MYO10: variants seen among roughly 807,000 people sequenced by gnomAD.
MYO10 encodes the protein unconventional myosin-X.
Under a neutral mutation model 257.3 loss-of-function variants are expected in MYO10, and 133 were observed. That is an observed-to-expected ratio of 0.52 (90% confidence interval 0.45 to 0.60). The LOEUF (loss-of-function observed/expected upper bound fraction) is 0.60. MYO10 is among the 20% of genes least tolerant of loss of function. The pLI is 0.00. For missense variants in MYO10, 2,399 were observed against 2,635.7 expected, an observed-to-expected ratio of 0.91 and a Z score of 1.97; for synonymous variants, 1,104 against 1,028.6, an observed-to-expected ratio of 1.07 and a Z score of -1.40.
intron 1 of MYO10, among the ~76,000 whole-genome samples, chr5:16,915,638 G>C (rs1745793148): frequency 6.6e-6 from 1 of 152,218 alleles, no homozygotes; most frequent in Non-Finnish European, 1.5e-5. Flanking sequence ...TCTTCAACAA[G>C]CAGTCATCTC....
intron 1 of MYO10, among the ~76,000 whole-genome samples, chr5:16,909,649 C>CA (rs1243667253): frequency 6.6e-6 from 1 of 152,080 alleles, no homozygotes. Context: ...ATGGGAGCTA[C>CA]AATTCAAGAT....
intron 3 of MYO10, among the ~76,000 whole-genome samples, chr5:16,807,906 G>A (rs897810762): frequency 6.6e-6 from 1 of 152,048 alleles, no homozygotes; most frequent in Non-Finnish European, 1.5e-5. Context: ...GTTTGCCTGT[G>A]TCTGTCTTCA....
intron 9 of MYO10, among the ~76,000 whole-genome samples, chr5:16,770,406 A>C (rs1286817568): frequency 1.3e-5 from 2 of 152,158 alleles, no homozygotes; most frequent in East Asian, 3.8e-4. Context: ...ATGCTGTTTG[A>C]GGAAAAATAA....
chr5:16,916,267 C>A, intron 1 of MYO10: 1 of 388,296 alleles, frequency 2.6e-6, no homozygotes, highest in Non-Finnish European at 5.2e-6. Flanking sequence ...GACTCGTGTT[C>A]TAACAAATTA....
rs564359695 is a variant in MYO10, at chr5:16,701,470, T to C, written c.2925A>G (p.Ala975=). 514 of 1,613,992 alleles carry C rather than the reference T, an allele frequency of 3.2e-4. 2 individuals are homozygous for C. In the East Asian group the frequency reaches 0.011, roughly 36 times the overall value. Residue 975 remains alanine, a synonymous_variant, in exon 25 of 41, where the codon GCA becomes GCG. Transcript: ENST00000513610. This position sits in a 1 kb window ranked among gnomAD's most constrained non-coding sequence, Gnocchi z 8.1. ...SEFSSELAES[A]CEEKPNFNFS... ...AGTTGAAGTTGGGCTTCTCCTCGCA[T>C]GCGCTCTCAGCCAGCTCGCTGGAAA...
chr5:16,887,526 C>T (rs1337966168), intron 1 of MYO10, among the ~76,000 whole-genome samples: 2 of 152,206 alleles, frequency 1.3e-5, no homozygotes, highest in Non-Finnish European at 1.5e-5. Context: ...AGTCTAGCTC[C>T]GCCGCCCAGG....
At chr5:16,682,895 TG>T (rs1399612268) in intron 30 of MYO10, among the ~76,000 whole-genome samples, 24 of 152,022 alleles carry the variant, frequency 1.6e-4, no homozygotes, top group Non-Finnish European at 1.8e-4. Flanking sequence ...ATTCTAAGGA[TG>T]GATCATCACA....
intron 4 of MYO10, among the ~76,000 whole-genome samples, chr5:16,788,036 T>C (rs533721158): frequency 2.8e-4 from 43 of 152,228 alleles, no homozygotes; most frequent in Admixed American, 4.6e-4. Flanking sequence ...TCAGGTGATC[T>C]ACCCGCCTCG....
rs193052288 is a variant in MYO10 at position 16,691,234 on chromosome 5, C to A, written c.3801-1315G>T. Among the ~76,000 whole-genome samples, 558 of 148,002 alleles carry A rather than the reference C, an allele frequency of 3.8e-3. 4 individuals are homozygous for A. Among genetic ancestry groups the A allele is most frequent in the African/African-American group, 0.013 (524 of 39,708 alleles). On this transcript the variant is annotated intron_variant, in intron 27 of 40. Coordinates refer to ENST00000513610, the MANE Select transcript of MYO10 (RefSeq NM_012334.3). ...GCAGTGAGCTGAGATCGCGCCACTG[C>A]ACTCCAACCTGGGCGAAAGAGTGAG...
rs770954170 is a variant in MYO10, at chr5:16,701,085, C to T, written c.3310G>A (p.Gly1104Ser). The T allele has an allele frequency of 1.4e-5, 22 of 1,581,494 alleles. No homozygotes were observed. The highest frequency in any genetic ancestry group is 1.7e-4 in the Middle Eastern group (1 of 6,026). The change falls in exon 25 of 41, where the codon GGC becomes AGC. Residue 1104 changes from glycine to serine, a missense_variant. Physicochemically the swap from Gly to Ser is moderately conservative, Grantham distance 56. Transcript: ENST00000513610. The surrounding 1 kb of genome is among the most constrained non-coding windows in gnomAD (Gnocchi z 8.1). ...GAGTTGGAGAAGGTCACGCTGCTGC[C>T]GGAAGTGATGGCACCGTCCTCATAG... Reference protein sequence around the residue: ...DDYEDGAITSGSSVTFSNSYG... With the variant: ...DDYEDGAITSSSSVTFSNSYG...
intron 1 of MYO10, among the ~76,000 whole-genome samples, chr5:16,892,967 G>A (rs1317280821): frequency 1.3e-5 from 2 of 152,000 alleles, no homozygotes; most frequent in Admixed American, 6.6e-5. Flanking sequence ...AGGCCGAGGC[G>A]GGCAGATCAC....
intron 28 of MYO10, among the ~76,000 whole-genome samples, chr5:16,688,066 G>A (rs527523265): frequency 2.6e-5 from 4 of 152,270 alleles, no homozygotes; most frequent in South Asian, 4.1e-4. Context: ...CAGGTTCATC[G>A]TGGCATAAAA....
intron 12 of MYO10, among the ~76,000 whole-genome samples, 179 bp from the exon 13 acceptor site, chr5:16,763,934 C>T (rs1045389064): frequency 4.6e-5 from 7 of 152,180 alleles, no homozygotes; most frequent in Non-Finnish European, 7.4e-5. Context: ...CACCTGAGGT[C>T]GGGAGTCCAA....
In MYO10 at chr5:16,673,695, G is replaced by A; in HGVS notation, c.5159C>T (p.Thr1720Ile). 2 of 1,613,720 alleles carry A rather than the reference G, an allele frequency of 1.2e-6. No homozygotes were observed. The highest frequency in any genetic ancestry group is 1.7e-6 in the Non-Finnish European group (2 of 1,179,764). Reference protein sequence around the residue: ...GSCKITINSHTTAGEVVEKLI... With the variant: ...GSCKITINSHITAGEVVEKLI... ...GCCTCTCCTCACCTCCCCAGCGGTGGTGTGGGAGTTGATGGTGATCTTGCA... is the reference window on the plus strand; with the variant it reads ...GCCTCTCCTCACCTCCCCAGCGGTGATGTGGGAGTTGATGGTGATCTTGCA... The change falls in exon 36 of 41, where the codon ACC becomes ATC. Residue 1720 changes from threonine (T) to isoleucine (I), a missense_variant. Coordinates refer to ENST00000513610, the MANE Select transcript of MYO10 (RefSeq NM_012334.3).
chr5:16,877,846 CA>C, intron 1 of MYO10, 139 bp from the exon 2 acceptor site: 1 of 673,686 alleles, frequency 1.5e-6, no homozygotes. Flanking sequence ...AAGCAAAGAA[CA>C]AATCTTCGCA....
At chr5:16,691,783 T>A (rs1737522144) in intron 27 of MYO10, among the ~76,000 whole-genome samples, 1 of 150,886 alleles carries the variant, frequency 6.6e-6, no homozygotes, top group South Asian at 2.1e-4. Flanking sequence ...TTAACAGAAA[T>A]CAATACCAAC....
chr5:16,806,288 C>T (rs1206875606), intron 3 of MYO10, among the ~76,000 whole-genome samples: 1 of 150,454 alleles, frequency 6.6e-6, no homozygotes, highest in Non-Finnish European at 1.5e-5. Flanking sequence ...TGCAGTGAGC[C>T]AGAGGTTGCA....
intron 1 of MYO10, among the ~76,000 whole-genome samples, chr5:16,901,212 A>G (rs1432781218): frequency 2.6e-5 from 4 of 151,956 alleles, no homozygotes; most frequent in Admixed American, 6.6e-5. Flanking sequence ...CAGCAACACC[A>G]ATGCATCCTC....
intron 19 of MYO10, 26 bp downstream of exon 19, chr5:16,754,802 C>A (rs767815770): frequency 1.3e-6 from 2 of 1,544,238 alleles, no homozygotes; most frequent in South Asian, 1.2e-5. Flanking sequence ...AGACAGATCC[C>A]AGCCTAGGAC....
Sources: allele counts gnomAD v4.1 joint callset (sites outside exome capture counted in the v4.1 genomes callset), GRCh38; gene constraint gnomAD v4.1.1; non-coding constraint Gnocchi (gnomAD v3.1); transcripts MANE v1.5; gene names NCBI Gene and HGNC (gene_info 2026-07-23, HGNC 2026-07-21).